Variants in PHIP observed in about 807,000 individuals in gnomAD.
The protein encoded by PHIP is PHIP subunit of CUL4-Ring ligase complex.
PHIP carries 54 observed loss-of-function variants against 236.8 expected under a neutral mutation model. The observed-to-expected ratio is 0.23, with a 90% confidence interval of 0.18 to 0.29. The LOEUF (loss-of-function observed/expected upper bound fraction) is 0.29. Ranked by LOEUF, PHIP falls within the 10% of genes least tolerant of loss-of-function variation. The probability of loss-of-function intolerance (pLI) is 1.00; values close to 1 mark genes in which losing one functional copy is unlikely to be tolerated. For synonymous variants in PHIP, 756 were observed against 718.9 expected (o/e 1.05, Z -0.83); for missense variants, 1,370 against 2,190.8 (o/e 0.63, Z 7.48).
chr6:79,076,821 AG>A (rs1774184244), intron 4 of PHIP, among the ~76,000 whole-genome samples: 1 of 152,180 alleles, frequency 6.6e-6, no homozygotes, highest in South Asian at 2.1e-4. Context: ...GATGTGTTTT[AG>A]TAAATGCAAG....
chr6:79,077,278 C>T (rs1388375628), intron 4 of PHIP, among the ~76,000 whole-genome samples, 170 bp downstream of exon 4: 5 of 152,020 alleles, frequency 3.3e-5, no homozygotes, highest in African/African-American at 4.8e-5. Flanking sequence ...TACGAGTACC[C>T]CCGGCCACTG....
In PHIP at chr6:78,939,413, G is replaced by A. The variant is rs1773386755; in HGVS notation, c.*1280C>T. The A allele has an allele frequency of 6.6e-6, 1 of 151,706 alleles. No homozygotes were observed. The highest frequency in any genetic ancestry group is 2.4e-5 in the African/African-American group (1 of 41,368). 9.4% of individuals were successfully genotyped at this position (151,706 alleles called of 1,614,324 possible). ...GCAATGAGACCACTGTATAAAACAT[G>A]ATTGCATAAAAAGTGATTTGGCCTA... On this transcript the variant is annotated 3_prime_UTR_variant, in exon 40 of 40. Transcript: ENST00000275034.
chr6:79,048,848 A>C (rs1251467157), intron 6 of PHIP, among the ~76,000 whole-genome samples: 1 of 152,166 alleles, frequency 6.6e-6, no homozygotes, highest in East Asian at 1.9e-4. Flanking sequence ...AAATGCAAGG[A>C]AAAGCATGTA....
chr6:78,998,704 A>G (rs1259099559), intron 17 of PHIP, among the ~76,000 whole-genome samples: 1 of 152,176 alleles, frequency 6.6e-6, no homozygotes, highest in Non-Finnish European at 1.5e-5. Flanking sequence ...TGAGAAAACC[A>G]AAATAACTGT....
In PHIP at chr6:78,963,816, C is replaced by A. The variant is rs181059950; in HGVS notation, c.3380-564G>T. Among the ~76,000 whole-genome samples, 97 of 152,250 alleles carry A rather than the reference C, an allele frequency of 6.4e-4. 1 individual carries two copies. In the South Asian group the frequency reaches 8.1e-3, roughly 13 times the overall value. Reference sequence around the variant, plus strand: ...GTTGCGGTAACCCAAAATCTAGAAACGTGCTAGGTAATTTTTCCTTTAGAC... The same window carrying A: ...GTTGCGGTAACCCAAAATCTAGAAAAGTGCTAGGTAATTTTTCCTTTAGAC... On this transcript the variant is annotated intron_variant, in intron 29 of 39. Transcript: ENST00000275034.
intron 17 of PHIP, among the ~76,000 whole-genome samples, chr6:78,998,967 C>T (rs1769817566): frequency 6.6e-6 from 1 of 151,886 alleles, no homozygotes; most frequent in Non-Finnish European, 1.5e-5. Flanking sequence ...AACAATAACC[C>T]AGGAGTTAAT....
At position 79,060,494 on chromosome 6, in the gene PHIP, A is replaced by G. The variant is rs372185008; in HGVS notation, c.423T>C (p.Gly141=). Residue 141 remains glycine (G), a synonymous_variant, in exon 6 of 40, where the codon GGT becomes GGC. Transcript: ENST00000275034. ...GRPPESPVNY[G]SPPSIADTLF... The stretch of plus-strand genomic sequence containing the variant: ...ACAACTCACCAATGCTGGGTGGGCT[A>G]CCATAGTTAACTGGTGACTCAGGTG... The G allele has an allele frequency of 1.3e-5, 21 of 1,612,888 alleles. No individual in the cohort carries two copies. In the African/African-American group the frequency reaches 2.8e-4, roughly 22 times the overall value.
At chr6:79,038,921 T>G (rs1049553052) in intron 7 of PHIP, among the ~76,000 whole-genome samples, 2 of 152,154 alleles carry the variant, frequency 1.3e-5, no homozygotes, top group African/African-American at 4.8e-5. Flanking sequence ...TGAAAAAATA[T>G]GTCATCCTAT....
chr6:79,018,823 T>C (rs1378269085), intron 10 of PHIP, among the ~76,000 whole-genome samples: 1 of 151,988 alleles, frequency 6.6e-6, no homozygotes, highest in Non-Finnish European at 1.5e-5. Context: ...ACAGGGTCGA[T>C]TTTGAAACTA....
chr6:79,008,580 C>T (rs925733104), intron 15 of PHIP, among the ~76,000 whole-genome samples: 2 of 111,488 alleles, frequency 1.8e-5, no homozygotes, highest in Non-Finnish European at 4.2e-5. Flanking sequence ...CCTTGACACA[C>T]CCTCTTAAGG....
chr6:78,954,885 A>G lies in PHIP; in HGVS notation c.3982T>C (p.Leu1328=), dbSNP rs376676157. ...IQAWKKQCEE[L]LNLIFQCEDS... ...TCACATTGAAATATGAGATTTAACA[A>G]TTCTTCACACTGTTTCTTCCATGCT... Residue 1328 remains leucine (L), a synonymous_variant, in exon 35 of 40, where the codon TTG becomes CTG. Transcript: ENST00000275034. The G allele has an allele frequency of 1.3e-6, 2 of 1,587,372 alleles. No individual in the cohort carries two copies. The highest frequency in any genetic ancestry group is 2.7e-5 in the African/African-American group (2 of 73,252).
In PHIP at chr6:78,954,698, T is replaced by C. The variant is rs113706387; in HGVS notation, c.4053+116A>G. The C allele has an allele frequency of 1.4e-4, 93 of 666,350 alleles. No homozygotes were observed. The African/African-American group carries it at 1.4e-3, about 10-fold the overall frequency. The allele number at this position is 666,350 out of a possible 1,614,324, so 41.3% of individuals were successfully genotyped here. On this transcript the variant is annotated intron_variant, in intron 35 of 39. Transcript: ENST00000275034. ...TAGCCAAATGGATAATGAGAACATG[T>C]ATAAAATAATAAAGAAATAAACTAT...
chr6:79,072,925 T>C (rs1292459379), intron 4 of PHIP, among the ~76,000 whole-genome samples: 4 of 152,224 alleles, frequency 2.6e-5, no homozygotes, highest in Non-Finnish European at 4.4e-5. Flanking sequence ...AAAGTTCTGA[T>C]AATAGCAAAC....
intron 24 of PHIP, among the ~76,000 whole-genome samples, chr6:78,971,313 G>C (rs1329691481): frequency 2.0e-5 from 3 of 152,192 alleles, no homozygotes; most frequent in Admixed American, 2.0e-4. Flanking sequence ...ATCCTGGTAA[G>C]ACAGCAGGGC....
At chr6:78,991,009 T>C in intron 19 of PHIP, 24 bp from the exon 20 acceptor site, 5 of 1,404,082 alleles carry the variant, frequency 3.6e-6, no homozygotes, top group Non-Finnish European at 5.0e-6. Context: ...GCCATATGCA[T>C]TAATCTAGAA....
At position 78,940,974 on chromosome 6, in the gene PHIP, G is replaced by T; in HGVS notation, c.5185C>A (p.Leu1729Ile). ...KMKTQKLDAD[L>I]LVPASVKVLR... Reference sequence around the variant, plus strand: ...ACTTTGACACTTGCAGGGACTAGGAGATCTGCATCTAATTTTTGTGTCTTC... The same window carrying T: ...ACTTTGACACTTGCAGGGACTAGGATATCTGCATCTAATTTTTGTGTCTTC... Residue 1729 changes from leucine (L) to isoleucine (I), a missense_variant, in exon 40 of 40, where the codon CTC (leucine) becomes ATC (isoleucine). Leu to Ile is a conservative substitution (Grantham distance 5, BLOSUM62 2). This residue lies in a region of PHIP where 309 missense variants were observed against 328.3 expected (regional missense o/e 0.94). Coordinates refer to ENST00000275034, the MANE Select transcript of PHIP (RefSeq NM_017934.7). The T allele has an allele frequency of 1.2e-6, 2 of 1,613,758 alleles. No individual in the cohort carries two copies. Among genetic ancestry groups the T allele is most frequent in the Non-Finnish European group, 1.7e-6 (2 of 1,179,700 alleles).
Position 78,969,821 on chromosome 6 carries a change from A to C in PHIP, c.3205+14T>G. ...CCACATCAAACATCGATAGCTTCTA[A>C]ATAAATTACCCACCTATATTCCATC... On this transcript the variant is annotated intron_variant, in intron 27 of 39. Coordinates refer to ENST00000275034, the MANE Select transcript of PHIP (RefSeq NM_017934.7). 7.5e-7 allele frequency: 1 copy of C among 1,340,454 alleles called. No individual in the cohort carries two copies. Among genetic ancestry groups the C allele is most frequent in the African/African-American group, 1.5e-5 (1 of 68,120 alleles). The allele number at this position is 1,340,454 out of a possible 1,614,324, so 83.0% of individuals were successfully genotyped here. A position where few individuals can be genotyped will look rare whatever the true frequency, so the allele number is the denominator to read the frequency against.
Position 78,961,722 on chromosome 6 carries a change from T to C in PHIP, c.3624A>G (p.Thr1208=). 6.2e-7 allele frequency: 1 copy of C among 1,612,686 alleles called. No individual in the cohort carries two copies. Among genetic ancestry groups the C allele is most frequent in the Non-Finnish European group, 8.5e-7 (1 of 1,178,928 alleles). Residue 1208 remains threonine, a synonymous_variant, in exon 31 of 40, where the codon ACA becomes ACG. Coordinates refer to ENST00000275034, the MANE Select transcript of PHIP (RefSeq NM_017934.7). Reference sequence around the variant, plus strand: ...ACCTGTTTTCCAGTCTTTGTTTAATTGTACTTAGATCCGTTGGATATGCCA... The same window carrying C: ...ACCTGTTTTCCAGTCTTTGTTTAATCGTACTTAGATCCGTTGGATATGCCA... ...TVVAYPTDLS[T]IKQRLENRFY...
At chr6:79,059,199 G>A (rs929985847) in intron 6 of PHIP, among the ~76,000 whole-genome samples, 2 of 151,964 alleles carry the variant, frequency 1.3e-5, no homozygotes, top group East Asian at 1.9e-4. Context: ...AAAGGATAAC[G>A]AAGCAGATAA....
Sources: gnomAD v4.1 joint callset for allele counts (sites outside exome capture counted in the v4.1 genomes callset) on GRCh38, gnomAD v4.1.1 for gene constraint, gnomAD v4.1.1 regional missense constraint, MANE v1.5 for transcripts, NCBI Gene and HGNC (gene_info 2026-07-23, HGNC 2026-07-21) for gene names.